RIMBP2: variants seen among roughly 807,000 people sequenced by gnomAD.
RIMBP2 encodes the protein RIMS binding protein 2.
In RIMBP2, 48 loss-of-function variants were observed where a neutral mutation model predicts 118.6. The observed-to-expected ratio is 0.40, with a 90% CI of 0.32 to 0.51. The LOEUF is 0.51. Ranked by LOEUF, RIMBP2 falls within the 20% of genes least tolerant of loss-of-function variation. RIMBP2 has a pLI of 0.41. For synonymous variants in RIMBP2, 762 were observed against 742.9 expected (o/e 1.03, Z -0.42); for missense variants, 1,551 against 1,768.3 (o/e 0.88, Z 2.20).
chr12:130,567,143 T>C (rs958913794), intron 2 of RIMBP2, among the ~76,000 whole-genome samples: 1 of 152,240 alleles, frequency 6.6e-6, no homozygotes, highest in Non-Finnish European at 1.5e-5. Context: ...ATTAAAATTC[T>C]TTATAAGCAA....
intron 2 of RIMBP2, among the ~76,000 whole-genome samples, chr12:130,543,925 G>A (rs1201641810): frequency 6.6e-6 from 1 of 152,150 alleles, no homozygotes; most frequent in Non-Finnish European, 1.5e-5. Flanking sequence ...TGATTTAATA[G>A]AATGTTTCTC....
chr12:130,676,383 C>G (rs977814442), intron 1 of RIMBP2, among the ~76,000 whole-genome samples: 1 of 150,322 alleles, frequency 6.7e-6, no homozygotes, highest in South Asian at 2.1e-4. Context: ...CCAGCACTTT[C>G]GGAGGCCAAG....
At chr12:130,587,769 T>C (rs942686042) in intron 2 of RIMBP2, among the ~76,000 whole-genome samples, 1 of 140,132 alleles carries the variant, frequency 7.1e-6, no homozygotes, top group Non-Finnish European at 1.5e-5. Flanking sequence ...GCCTGGCACA[T>C]GTATACATAT....
intron 17 of RIMBP2, among the ~76,000 whole-genome samples, chr12:130,416,183 C>T (rs540150429): frequency 6.6e-6 from 1 of 152,204 alleles, no homozygotes; most frequent in South Asian, 2.1e-4. Context: ...CTATTTCTAT[C>T]AAACTTCCAT....
chr12:130,559,293 C>T (rs1388813436), intron 2 of RIMBP2, among the ~76,000 whole-genome samples: 2 of 152,160 alleles, frequency 1.3e-5, no homozygotes, highest in Admixed American at 1.3e-4. Context: ...TTGTATCCTT[C>T]CAACAACAGC....
intron 2 of RIMBP2, among the ~76,000 whole-genome samples, chr12:130,566,820 A>C (rs959022952): frequency 6.6e-6 from 1 of 152,348 alleles, no homozygotes; most frequent in East Asian, 1.9e-4. Context: ...GTTACACAGC[A>C]CTTGATAACT....
At chr12:130,614,651 G>A (rs752861622) in intron 2 of RIMBP2, among the ~76,000 whole-genome samples, 4 of 151,950 alleles carry the variant, frequency 2.6e-5, no homozygotes, top group East Asian at 1.9e-4. Flanking sequence ...TAGCAGTGAC[G>A]GGGCAAAGAA....
In RIMBP2 at chr12:130,431,494, G is replaced by T. The variant is rs60823772; in HGVS notation, c.2254-3157C>A. On this transcript the variant is annotated intron_variant, in intron 14 of 22. Coordinates refer to ENST00000690449, the MANE Select transcript of RIMBP2 (RefSeq NM_001393629.1). This position sits in a 1 kb window ranked among gnomAD's most constrained non-coding sequence, Gnocchi z 4.0. ...TCTTTGAATTGAATCAATATTTAACGTTACTTTTAAAGAAAATATCTCAAC... is the reference window on the plus strand; with the variant it reads ...TCTTTGAATTGAATCAATATTTAACTTTACTTTTAAAGAAAATATCTCAAC... The T allele has an allele frequency of 2.9e-6, 1 of 349,282 alleles. No individual in the cohort carries two copies. Among genetic ancestry groups the T allele is most frequent in the East Asian group, 8.4e-5 (1 of 11,908 alleles). The allele number at this position is 349,282 out of a possible 1,614,324, so 21.6% of individuals were successfully genotyped here.
chr12:130,662,453 C>T (rs1295136570), intron 1 of RIMBP2, among the ~76,000 whole-genome samples: 2 of 152,006 alleles, frequency 1.3e-5, no homozygotes, highest in Non-Finnish European at 2.9e-5. Flanking sequence ...GTCAAGAGAT[C>T]GAGACCATCC....
chr12:130,674,753 AC>A (rs2064365708), intron 1 of RIMBP2, among the ~76,000 whole-genome samples: 1 of 151,996 alleles, frequency 6.6e-6, no homozygotes, highest in African/African-American at 2.4e-5. Context: ...CATATCCATG[AC>A]CGGCCGCTCC....
chr12:130,510,781 T>C (rs1377623849), intron 3 of RIMBP2, among the ~76,000 whole-genome samples: 1 of 152,184 alleles, frequency 6.6e-6, no homozygotes, highest in Non-Finnish European at 1.5e-5. Flanking sequence ...TATTTACTCT[T>C]TCATGGACCT....
intron 1 of RIMBP2, among the ~76,000 whole-genome samples, chr12:130,708,144 A>G (rs911062702): frequency 6.6e-6 from 1 of 152,172 alleles, no homozygotes; most frequent in Non-Finnish European, 1.5e-5. Context: ...ACAGAGGACC[A>G]TGTGTAGTAT....
chr12:130,421,469 C>T (rs560144026), intron 17 of RIMBP2, among the ~76,000 whole-genome samples: 1 of 152,316 alleles, frequency 6.6e-6, no homozygotes, highest in African/African-American at 2.4e-5. Flanking sequence ...TGGCAGGACA[C>T]AATTTCAAAG....
At chr12:130,693,452 G>C (rs2065427576) in intron 1 of RIMBP2, among the ~76,000 whole-genome samples, 1 of 152,190 alleles carries the variant, frequency 6.6e-6, no homozygotes, top group Non-Finnish European at 1.5e-5. Context: ...CTACTTCTCA[G>C]ACTGCTTCCA....
At chr12:130,503,244 A>AAT (rs2049971480) in intron 4 of RIMBP2, among the ~76,000 whole-genome samples, 1 of 151,374 alleles carries the variant, frequency 6.6e-6, no homozygotes, top group African/African-American at 2.4e-5. Flanking sequence ...AAAAAAAAAA[A>AAT]TATTATCCGG....
rs188888518 is a variant in RIMBP2, at chr12:130,706,829, G to T, written c.-352+9393C>A. Reference sequence around the variant, plus strand: ...ACAGACTTATCACCAAAATTATCATGCAGTGATTCGGCAGCCGCCAGTGGT... The same window carrying T: ...ACAGACTTATCACCAAAATTATCATTCAGTGATTCGGCAGCCGCCAGTGGT... On this transcript the variant is annotated intron_variant, in intron 1 of 22. Transcript: ENST00000690449. Among the ~76,000 whole-genome samples the T allele has an allele frequency of 1.8e-4, 28 of 152,272 alleles. No homozygotes were observed. In the East Asian group the frequency reaches 4.8e-3, roughly 26 times the overall value.
rs768788089 is a variant in RIMBP2, at chr12:130,670,931, G to A, written c.-351-42475C>T. Among the ~76,000 whole-genome samples, 17 of 152,054 alleles carry A rather than the reference G, an allele frequency of 1.1e-4. No individual in the cohort carries two copies. The highest frequency in any genetic ancestry group is 1.9e-4 in the East Asian group (1 of 5,170). ...TGGGATTACAGGTGCCCACCAGTACGTCTCTTTTAGTAGACACGGGGTTTC... is the reference window on the plus strand; with the variant it reads ...TGGGATTACAGGTGCCCACCAGTACATCTCTTTTAGTAGACACGGGGTTTC... On this transcript the variant is annotated intron_variant, in intron 1 of 22. Transcript: ENST00000690449. The surrounding 1 kb of genome is among the most constrained non-coding windows in gnomAD (Gnocchi z 4.9).
At chr12:130,709,071 A>C (rs1478426801) in intron 1 of RIMBP2, among the ~76,000 whole-genome samples, 1 of 152,268 alleles carries the variant, frequency 6.6e-6, no homozygotes, top group Non-Finnish European at 1.5e-5. Context: ...GGCACCCAGC[A>C]ACGTGCCGGC....
At chr12:130,533,672 T>C (rs2053713556) in intron 2 of RIMBP2, among the ~76,000 whole-genome samples, 1 of 152,198 alleles carries the variant, frequency 6.6e-6, no homozygotes, top group African/African-American at 2.4e-5. Flanking sequence ...TGTCCATCAG[T>C]GGATAATTGG....
Sources: gnomAD v4.1 joint callset for allele counts (sites outside exome capture counted in the v4.1 genomes callset) on GRCh38, gnomAD v4.1.1 for gene constraint, Gnocchi (gnomAD v3.1) non-coding constraint, MANE v1.5 for transcripts, NCBI Gene and HGNC (gene_info 2026-07-23, HGNC 2026-07-21) for gene names.